The following KNCN variants were observed in gnomAD, a reference collection of about 807,000 sequenced individuals.
KNCN encodes kinocilin.
In KNCN, 11 loss-of-function variants were observed where a neutral mutation model predicts 10.4. That is an observed-to-expected ratio of 1.06 (90% CI 0.67 to 1.75). KNCN has a LOEUF of 1.75. KNCN is among the 40% of genes most tolerant of loss of function. KNCN has a pLI of 0.00. For missense variants in KNCN, 172 were observed against 167.1 expected (o/e 1.03, Z -0.16); for synonymous variants, 67 against 71.6 (o/e 0.94, Z 0.33).
In KNCN at chr1:46,551,096, C is replaced by T; in HGVS notation, c.120G>A (p.Met40Ile). Residue 40 changes from methionine to isoleucine, a missense_variant, in exon 1 of 4, where the codon ATG (methionine) becomes ATA (isoleucine). Physicochemically the swap from Met to Ile is conservative, Grantham distance 10. Transcript: ENST00000481882. The surrounding 1 kb of genome is among the most constrained non-coding windows in gnomAD (Gnocchi z 4.0). ...GISVSKAAAAMGGVFIGAAVL... is the reference protein window; with the variant it reads ...GISVSKAAAAIGGVFIGAAVL... Reference sequence around the variant, plus strand: ...CAGCAGCGCCAATAAAGACACCGCCCATGGCAGCTGCAGCCTTGGATACGG... The same window carrying T: ...CAGCAGCGCCAATAAAGACACCGCCTATGGCAGCTGCAGCCTTGGATACGG... 1 of 1,609,262 alleles carries T rather than the reference C, an allele frequency of 6.2e-7. No individual in the cohort carries two copies. Among genetic ancestry groups the T allele is most frequent in the South Asian group, 1.1e-5 (1 of 90,400 alleles).
chr1:46,550,891 G>A (rs74999404), intron 1 of KNCN, among the ~76,000 whole-genome samples, 174 bp downstream of exon 1: 4,619 of 152,150 alleles, frequency 0.03, 324 homozygotes, highest in East Asian at 0.29. Flanking sequence ...GCCCCAGCGC[G>A]TCGCTCCTCT....
At chr1:46,548,123 A>G (rs1666986394) in intron 3 of KNCN, among the ~76,000 whole-genome samples, 1 of 152,162 alleles carries the variant, frequency 6.6e-6, no homozygotes, top group African/African-American at 2.4e-5. Flanking sequence ...ATGTCACTAA[A>G]TCTCCCTGTG....
intron 2 of KNCN, chr1:46,549,723 C>A: frequency 1.2e-6 from 1 of 832,094 alleles, no homozygotes; most frequent in Non-Finnish European, 1.9e-6. Context: ...TGAGCTGGTT[C>A]AGGCACCTTT....
intron 1 of KNCN, 128 bp from the exon 2 acceptor site, chr1:46,550,130 A>G: frequency 6.6e-7 from 1 of 1,507,450 alleles, no homozygotes; most frequent in Non-Finnish European, 9.0e-7. Context: ...CAGTGTGCAG[A>G]CTTGGGACTG....
chr1:46,548,922 C>T (rs373476111), intron 3 of KNCN, among the ~76,000 whole-genome samples: 1 of 152,150 alleles, frequency 6.6e-6, no homozygotes, highest in East Asian at 1.9e-4. Flanking sequence ...GGGTGGATCA[C>T]CTGAGGTTGG....
intron 3 of KNCN, among the ~76,000 whole-genome samples, chr1:46,548,907 G>A (rs929921038): frequency 4.6e-5 from 7 of 152,176 alleles, no homozygotes; most frequent in Non-Finnish European, 1.0e-4. Context: ...TTGGGAGGCC[G>A]AGGCGGGTGG....
chr1:46,551,211 T>C lies in KNCN; in HGVS notation c.5A>G (p.Asp2Gly). M[D>G]IPISSRDFRG... ...GAAGTCTCTGCTGCTGATGGGGATG[T>C]CCATGCAGGCCCACCCGGGGCACTG... The change falls in exon 1 of 4, where the codon GAC becomes GGC. Residue 2 changes from aspartate (D) to glycine (G), a missense_variant. Asp to Gly is a moderately conservative substitution (Grantham distance 94). Coordinates refer to ENST00000481882, the MANE Select transcript of KNCN (RefSeq NM_001322255.2). The surrounding 1 kb of genome is among the most constrained non-coding windows in gnomAD (Gnocchi z 4.0). 1.2e-6 allele frequency: 2 copies of C among 1,607,890 alleles called. No homozygotes were observed. The highest frequency in any genetic ancestry group is 1.7e-5 in the Admixed American group (1 of 59,318).
At chr1:46,548,749 G>GC (rs1255765995) in intron 3 of KNCN, among the ~76,000 whole-genome samples, 1 of 152,216 alleles carries the variant, frequency 6.6e-6, no homozygotes, top group Non-Finnish European at 1.5e-5. Flanking sequence ...TGGGGAAAGT[G>GC]CCAGCAGTAC....
At position 46,549,251 on chromosome 1, in the gene KNCN, A is replaced by T. The variant is rs1407074712; in HGVS notation, c.237T>A (p.His79Gln). 1.2e-6 allele frequency: 2 copies of T among 1,612,516 alleles called. No individual in the cohort carries two copies. The highest frequency in any genetic ancestry group is 1.7e-6 in the Non-Finnish European group (2 of 1,179,296). ...CCCCGTGGTCTGCCCCTGGATGGGG[A>T]TGGATTCTTAGGCTCCCTGCAGGAT... ...ILPTIGSLRI[H>Q]PHPGADHGEG... is the part of the protein sequence containing the mutation. Residue 79 changes from histidine (H) to glutamine (Q), a missense_variant, in exon 3 of 4, where the codon CAT (histidine) becomes CAA (glutamine). Transcript: ENST00000481882.
chr1:46,546,436 A>G lies in KNCN; in HGVS notation c.*1294T>C, dbSNP rs2148506427. On this transcript the variant is annotated 3_prime_UTR_variant, in exon 4 of 4. Coordinates refer to ENST00000481882, the MANE Select transcript of KNCN (RefSeq NM_001322255.2). ...AGTGAAGTCAGGGGAGGCTTCTAAGAGGAAGTGCCGTCTCCATTGATCCTG... is the reference window on the plus strand; with the variant it reads ...AGTGAAGTCAGGGGAGGCTTCTAAGGGGAAGTGCCGTCTCCATTGATCCTG... 1 of 152,372 alleles carries G rather than the reference A, an allele frequency of 6.6e-6. No homozygotes were observed. Among genetic ancestry groups the G allele is most frequent in the Non-Finnish European group, 1.5e-5 (1 of 68,054 alleles). The allele number at this position is 152,372 out of a possible 1,614,324, so 9.4% of individuals were successfully genotyped here. A position where few individuals can be genotyped will look rare whatever the true frequency, so the allele number is the denominator to read the frequency against.
intron 1 of KNCN, among the ~76,000 whole-genome samples, 166 bp downstream of exon 1, chr1:46,550,897 CCT>C (rs1020243480): frequency 2.6e-5 from 4 of 152,274 alleles, no homozygotes; most frequent in African/African-American, 9.6e-5. Flanking sequence ...GCGCGTCGCT[CCT>C]CTCCCGCCTG....
intron 3 of KNCN, among the ~76,000 whole-genome samples, chr1:46,548,379 G>T (rs1666991064): frequency 6.6e-6 from 1 of 152,074 alleles, no homozygotes; most frequent in South Asian, 2.1e-4. Context: ...CCAGTTTGGG[G>T]TATGAACTTT....
rs137903176 is a variant in KNCN, at chr1:46,547,240, C to G, written c.*490G>C. 5.9e-3 allele frequency: 2,162 copies of G among 364,498 alleles called. 43 individuals carry two copies. Among genetic ancestry groups the G allele is most frequent in the African/African-American group, 0.041 (1,943 of 46,980 alleles). 22.6% of individuals were successfully genotyped at this position (364,498 alleles called of 1,614,324 possible). Reference sequence around the variant, plus strand: ...TTTGGAAAAGAATCTTGTCTAGCCCCTCTATTGGGCTAGTGAGCTCTAGAG... The same window carrying G: ...TTTGGAAAAGAATCTTGTCTAGCCCGTCTATTGGGCTAGTGAGCTCTAGAG... On this transcript the variant is annotated 3_prime_UTR_variant, in exon 4 of 4. Coordinates refer to ENST00000481882, the MANE Select transcript of KNCN (RefSeq NM_001322255.2).
In KNCN at chr1:46,551,271, C is replaced by T; in HGVS notation, c.-56G>A. ...GGTGCAGTCTGGCCCCAGAAAAGTC[C>T]TGGAAGTTTCTGGGCTCTTGGATGT... On this transcript the variant is annotated 5_prime_UTR_variant, in exon 1 of 4. Coordinates refer to ENST00000481882, the MANE Select transcript of KNCN (RefSeq NM_001322255.2). The surrounding 1 kb of genome is among the most constrained non-coding windows in gnomAD (Gnocchi z 4.0). 2 of 1,551,470 alleles carry T rather than the reference C, an allele frequency of 1.3e-6. No homozygotes were observed. The highest frequency in any genetic ancestry group is 1.2e-5 in the South Asian group (1 of 82,232).
At chr1:46,550,581 C>T (rs1222274164) in intron 1 of KNCN, among the ~76,000 whole-genome samples, 1 of 152,146 alleles carries the variant, frequency 6.6e-6, no homozygotes, top group African/African-American at 2.4e-5. Flanking sequence ...TTCAGCGTCA[C>T]TGCGGGGCAA....
chr1:46,545,773 G>A lies in KNCN; in HGVS notation c.*1957C>T. 6.6e-6 allele frequency: 1 copy of A among 152,372 alleles called. No individual in the cohort carries two copies. The highest frequency in any genetic ancestry group is 1.5e-5 in the Non-Finnish European group (1 of 68,134). 9.4% of individuals were successfully genotyped at this position (152,372 alleles called of 1,614,324 possible). ...GAGAGGGGTTGATGGGCAGGGGGGA[G>A]GGAACCACACTCTCCACAGCTCAGT... On this transcript the variant is annotated 3_prime_UTR_variant, in exon 4 of 4. Transcript: ENST00000481882.
chr1:46,547,124 G>GT lies in KNCN; in HGVS notation c.*605dup. The GT allele has an allele frequency of 2.9e-6, 1 of 340,378 alleles. No individual in the cohort carries two copies. The highest frequency in any genetic ancestry group is 7.7e-5 in the East Asian group (1 of 12,938). 21.1% of individuals were successfully genotyped at this position (340,378 alleles called of 1,614,324 possible). A position where few individuals can be genotyped will look rare whatever the true frequency, so the allele number is the denominator to read the frequency against. On this transcript the variant is annotated 3_prime_UTR_variant, in exon 4 of 4. Coordinates refer to ENST00000481882, the MANE Select transcript of KNCN (RefSeq NM_001322255.2). Reference sequence around the variant, plus strand: ...CTCTGACCCCCAGGCGAAGTTGTTTGTACCTGTCCCTTTGTGAGCCCCCCA... The same window carrying GT: ...CTCTGACCCCCAGGCGAAGTTGTTTGTTACCTGTCCCTTTGTGAGCCCCCCA...
Position 46,546,957 on chromosome 1 carries a change from C to G in KNCN, c.*773G>C, listed in dbSNP as rs1666955767. On this transcript the variant is annotated 3_prime_UTR_variant, in exon 4 of 4. Coordinates refer to ENST00000481882, the MANE Select transcript of KNCN (RefSeq NM_001322255.2). The stretch of plus-strand genomic sequence containing the variant: ...GGGTGCTGGAGAACACAGGGCAAAG[C>G]TTGGAGACAGGAATGTGTTTTGCTT... 5.9e-6 allele frequency: 1 copy of G among 170,372 alleles called. No individual in the cohort carries two copies. Among genetic ancestry groups the G allele is most frequent in the Non-Finnish European group, 1.3e-5 (1 of 77,370 alleles). 10.6% of individuals were successfully genotyped at this position (170,372 alleles called of 1,614,324 possible).
At position 46,551,006 on chromosome 1, in the gene KNCN, A is replaced by G. The variant is rs1366118546; in HGVS notation, c.151+59T>C. 1 of 1,448,102 alleles carries G rather than the reference A, an allele frequency of 6.9e-7. No homozygotes were observed. Among genetic ancestry groups the G allele is most frequent in the African/African-American group, 1.4e-5 (1 of 69,204 alleles). The allele number at this position is 1,448,102 out of a possible 1,614,324, so 89.7% of individuals were successfully genotyped here. On this transcript the variant is annotated intron_variant, in intron 1 of 3. Coordinates refer to ENST00000481882, the MANE Select transcript of KNCN (RefSeq NM_001322255.2). The surrounding 1 kb of genome is among the most constrained non-coding windows in gnomAD (Gnocchi z 4.0). ...TTCCCTGTTCCTTGTTCACCTGACG[A>G]TGCCCCTGCCCCCACCTCCAGAATC...
Sources: allele counts gnomAD v4.1 joint callset (sites outside exome capture counted in the v4.1 genomes callset), GRCh38; gene constraint gnomAD v4.1.1; non-coding constraint Gnocchi (gnomAD v3.1); transcripts MANE v1.5; gene names NCBI Gene and HGNC (gene_info 2026-07-23, HGNC 2026-07-21).